Variants in NECTIN2 observed in about 807,000 individuals in gnomAD.
NECTIN2 encodes nectin cell adhesion molecule 2.
In NECTIN2, 23 loss-of-function variants were observed where a neutral mutation model predicts 56.9. That is an observed-to-expected ratio of 0.40 (90% CI 0.29 to 0.57). The LOEUF (loss-of-function observed/expected upper bound fraction) is 0.57, where lower values mean the gene tolerates loss of function less well. NECTIN2 is among the 20% of genes least tolerant of loss of function. The probability of loss-of-function intolerance (pLI) is 0.38; values close to 1 mark genes in which losing one functional copy is unlikely to be tolerated. For synonymous variants in NECTIN2, 302 were observed against 313.8 expected (o/e 0.96, Z 0.40); for missense variants, 587 against 718.3 (o/e 0.82, Z 2.09).
intron 5 of NECTIN2, chr19:44,878,506 G>A (rs1969269397): frequency 6.2e-7 from 1 of 1,614,090 alleles, no homozygotes; most frequent in East Asian, 2.2e-5. Flanking sequence ...AGGAGGAGGA[G>A]GAGGAAGAGA....
intron 5 of NECTIN2, among the ~76,000 whole-genome samples, chr19:44,881,092 A>T (rs1275133859): frequency 6.6e-6 from 1 of 151,742 alleles, no homozygotes; most frequent in Non-Finnish European, 1.5e-5. Context: ...GCTAATTTTT[A>T]AAATTTTTTC....
chr19:44,848,228 G>T (rs143672170), intron 1 of NECTIN2, among the ~76,000 whole-genome samples: 2 of 152,274 alleles, frequency 1.3e-5, no homozygotes, highest in Non-Finnish European at 2.9e-5. Context: ...GCACCTCTGG[G>T]TGAATTCTCC....
intron 1 of NECTIN2, among the ~76,000 whole-genome samples, chr19:44,851,361 C>T (rs759104249): frequency 3.5e-4 from 53 of 150,900 alleles, no homozygotes; most frequent in Non-Finnish European, 7.5e-4. Context: ...GCTCTTCCTC[C>T]CTCAAACCTG....
At position 44,874,688 on chromosome 19, in the gene NECTIN2, C is replaced by G. The variant is rs896471582; in HGVS notation, c.1042+210C>G. ...GGGGTGTCGGGGTAGGTGAAGGCAG[C>G]AGAGTTGGGGGGTTGAGGACTTTGC... On this transcript the variant is annotated intron_variant, in intron 5 of 8. Coordinates refer to ENST00000252483, the MANE Select transcript of NECTIN2 (RefSeq NM_001042724.2). The surrounding 1 kb of genome is among the most constrained non-coding windows in gnomAD (Gnocchi z 6.3). The G allele has an allele frequency of 2.0e-5, 12 of 598,514 alleles. No individual in the cohort carries two copies. Among genetic ancestry groups the G allele is most frequent in the Middle Eastern group, 4.5e-4 (1 of 2,206 alleles). 37.1% of individuals were successfully genotyped at this position (598,514 alleles called of 1,614,324 possible).
intron 1 of NECTIN2, among the ~76,000 whole-genome samples, chr19:44,860,860 G>A (rs189495641): frequency 7.3e-5 from 11 of 151,544 alleles, no homozygotes; most frequent in African/African-American, 2.7e-4. Flanking sequence ...CAAAGTGCTG[G>A]AATTACAGGT....
chr19:44,851,686 G>A (rs958608505), intron 1 of NECTIN2, among the ~76,000 whole-genome samples: 5 of 152,224 alleles, frequency 3.3e-5, no homozygotes, highest in African/African-American at 1.2e-4. Flanking sequence ...TCATGAAGCT[G>A]TCACCAGTCT....
intron 1 of NECTIN2, among the ~76,000 whole-genome samples, chr19:44,847,348 G>A (rs755622633): frequency 1.9e-4 from 29 of 152,116 alleles, no homozygotes; most frequent in Non-Finnish European, 2.1e-4. Context: ...GTAAAACTGG[G>A]GGCGAGAGAG....
chr19:44,859,882 C>T lies in NECTIN2; in HGVS notation c.89-5389C>T, dbSNP rs546287135. ...AGGCTGGCTGAGAACTGCAAACATG[C>T]GTCCACATAAAAACTTGAACTTGCA... On this transcript the variant is annotated intron_variant, in intron 1 of 8. Transcript: ENST00000252483. Among the ~76,000 whole-genome samples, 11 of 151,276 alleles carry T rather than the reference C, an allele frequency of 7.3e-5. No individual in the cohort carries two copies. The South Asian group carries it at 1.3e-3, about 17-fold the overall frequency.
intron 1 of NECTIN2, among the ~76,000 whole-genome samples, chr19:44,857,548 C>T (rs1230158278): frequency 6.6e-6 from 1 of 152,042 alleles, no homozygotes; most frequent in Admixed American, 6.6e-5. Flanking sequence ...ATTACAGGCA[C>T]CTGCCACCAT....
intron 5 of NECTIN2, chr19:44,878,397 G>T: frequency 1.3e-6 from 2 of 1,560,860 alleles, no homozygotes; most frequent in South Asian, 1.2e-5. Flanking sequence ...GGCGACGGGG[G>T]ATTCTACGAT....
At chr19:44,864,012 T>TTCCCC (rs33951304) in intron 1 of NECTIN2, among the ~76,000 whole-genome samples, 8,405 of 146,144 alleles carry the variant, frequency 0.058, 349 homozygotes, top group East Asian at 0.17. Context: ...TTCAGAGGAT[T>TTCCCC]CCCCCCCCCC....
intron 1 of NECTIN2, among the ~76,000 whole-genome samples, chr19:44,863,267 T>C (rs544643771): frequency 7.9e-5 from 12 of 152,072 alleles, no homozygotes; most frequent in South Asian, 2.1e-4. Flanking sequence ...GTTCAGGAGT[T>C]TGAGACCAGC....
intron 1 of NECTIN2, among the ~76,000 whole-genome samples, chr19:44,857,878 G>T (rs1211342635): frequency 6.6e-6 from 1 of 152,124 alleles, no homozygotes; most frequent in African/African-American, 2.4e-5. Context: ...AAAGAAGAGA[G>T]AGTTCCTAAA....
intron 1 of NECTIN2, among the ~76,000 whole-genome samples, chr19:44,847,160 T>TA (rs1479776805): frequency 6.6e-6 from 1 of 152,132 alleles, no homozygotes; most frequent in Admixed American, 6.5e-5. Context: ...CTTGGAGGGC[T>TA]AAGGATAAGA....
chr19:44,867,458 C>T (rs1969114530), intron 2 of NECTIN2, among the ~76,000 whole-genome samples: 1 of 152,194 alleles, frequency 6.6e-6, no homozygotes, highest in African/African-American at 2.4e-5. Context: ...TGTGCTACTG[C>T]ACTCCATCCT....
chr19:44,868,278 G>A (rs1233491049), intron 2 of NECTIN2, among the ~76,000 whole-genome samples: 1 of 150,148 alleles, frequency 6.7e-6, no homozygotes, highest in Non-Finnish European at 1.5e-5. Context: ...TGGGAGGATC[G>A]CTTGGGCCTG....
At position 44,874,424 on chromosome 19, in the gene NECTIN2, A is replaced by G; in HGVS notation, c.988A>G (p.Thr330Ala). 1.2e-6 allele frequency: 2 copies of G among 1,614,146 alleles called. No individual in the cohort carries two copies. Among genetic ancestry groups the G allele is most frequent in the Non-Finnish European group, 1.7e-6 (2 of 1,180,032 alleles). The change falls in exon 5 of 9, where the codon ACA becomes GCA. Residue 330 changes from threonine (T) to alanine (A), a missense_variant. Transcript: ENST00000252483. This position sits in a 1 kb window ranked among gnomAD's most constrained non-coding sequence, Gnocchi z 6.3. ...TCTGTTCAATACCACCTTCGTCTGC[A>G]CAGTCACCAATGCCGTGGGCATGGG... is the stretch of plus-strand genomic sequence containing the variant. ...DSLFNTTFVC[T>A]VTNAVGMGRA... is the part of the protein sequence containing the mutation.
In NECTIN2 at chr19:44,878,419, G is replaced by A. The variant is rs148423386; in HGVS notation, c.1043-3792G>A. On this transcript the variant is annotated intron_variant, in intron 5 of 8. Transcript: ENST00000252483. ...GGGGATTCTACGATCCGAAAGCTCA[G>A]GTGTTGGGAAATGGGGACCCCGTCT... 4,942 of 1,576,958 alleles carry A rather than the reference G, an allele frequency of 3.1e-3. 9 individuals are homozygous for A. The highest frequency in any genetic ancestry group is 3.7e-3 in the Non-Finnish European group (4,297 of 1,160,900).
At chr19:44,885,604 C>T (rs1277551810) in intron 6 of NECTIN2, among the ~76,000 whole-genome samples, 1 of 152,030 alleles carries the variant, frequency 6.6e-6, no homozygotes, top group Non-Finnish European at 1.5e-5. Flanking sequence ...GAGCCACTGC[C>T]CCCAGCCCAA....
Sources: allele counts gnomAD v4.1 joint callset (sites outside exome capture counted in the v4.1 genomes callset), GRCh38; gene constraint gnomAD v4.1.1; non-coding constraint Gnocchi (gnomAD v3.1); transcripts MANE v1.5; gene names NCBI Gene and HGNC (gene_info 2026-07-23, HGNC 2026-07-21).